Variants in PTPRD observed in about 807,000 individuals in gnomAD.
PTPRD encodes receptor-type tyrosine-protein phosphatase delta.
In PTPRD, 34 loss-of-function variants were observed where a neutral mutation model predicts 214.5. That is an observed-to-expected ratio of 0.16 (90% CI 0.12 to 0.21). The LOEUF is 0.21. PTPRD is among the 10% of genes least tolerant of loss of function. PTPRD has a pLI of 1.00. For missense variants in PTPRD, 2,545 were observed against 2,398.7 expected, an observed-to-expected ratio of 1.06 and a Z score of -1.27; for synonymous variants, 1,128 against 845.7, an observed-to-expected ratio of 1.33 and a Z score of -5.79.
At chr9:10,026,889 G>A (rs2096933350) in intron 4 of PTPRD, among the ~76,000 whole-genome samples, 1 of 151,090 alleles carries the variant, frequency 6.6e-6, no homozygotes, top group Admixed American at 6.6e-5. Context: ...AAAGACGTGA[G>A]AAGGATATAA....
In PTPRD at chr9:8,342,160, G is replaced by T. The variant is rs569268231; in HGVS notation, c.4662-182C>A. On this transcript the variant is annotated intron_variant, in intron 39 of 45. Coordinates refer to ENST00000381196, the MANE Select transcript of PTPRD (RefSeq NM_002839.4). ...TATTATCTAGGCACCATAATCAGAG[G>T]ACAGGGAACAAAAGACTGAGTAAAA... 2.0e-5 allele frequency among the ~76,000 whole-genome samples: 3 copies of T among 151,980 alleles called. No individual in the cohort carries two copies. In the East Asian group the frequency reaches 5.8e-4, roughly 30 times the overall value.
intron 13 of PTPRD, 131 bp downstream of exon 13, chr9:8,636,568 T>G (rs2096441994): frequency 8.6e-7 from 1 of 1,156,696 alleles, no homozygotes; most frequent in South Asian, 2.1e-5. Context: ...ACATTTTCCA[T>G]CACTTGCAAT....
At chr9:10,551,097 G>C (rs1043800724) in intron 2 of PTPRD, among the ~76,000 whole-genome samples, 1 of 152,104 alleles carries the variant, frequency 6.6e-6, no homozygotes, top group Non-Finnish European at 1.5e-5. Flanking sequence ...CCTTTGAAAA[G>C]CCAAAGTGGG....
intron 43 of PTPRD, among the ~76,000 whole-genome samples, chr9:8,333,404 G>C (rs1048568400): frequency 2.0e-5 from 3 of 151,786 alleles, no homozygotes; most frequent in African/African-American, 7.3e-5. Flanking sequence ...AAGGTTACCT[G>C]TTTAACAATA....
At chr9:9,589,261 A>T (rs571383980) in intron 7 of PTPRD, among the ~76,000 whole-genome samples, 11 of 151,920 alleles carry the variant, frequency 7.2e-5, no homozygotes, top group Non-Finnish European at 1.6e-4. Context: ...AATCAGTAAA[A>T]TCCTCTTAAG....
chr9:9,936,538 C>G (rs1200663052), intron 5 of PTPRD, among the ~76,000 whole-genome samples: 1 of 144,380 alleles, frequency 6.9e-6, no homozygotes, highest in Non-Finnish European at 1.5e-5. Flanking sequence ...CAATCTCACA[C>G]CAGTTAGAAT....
intron 10 of PTPRD, among the ~76,000 whole-genome samples, chr9:9,077,584 A>T (rs1224524851): frequency 1.3e-5 from 2 of 152,088 alleles, no homozygotes; most frequent in East Asian, 3.9e-4. Context: ...GTGAAGAGCC[A>T]GTTTTCTAAA....
chr9:8,740,252 A>G (rs1230442964), intron 11 of PTPRD, among the ~76,000 whole-genome samples: 2 of 152,156 alleles, frequency 1.3e-5, no homozygotes, highest in African/African-American at 4.8e-5. Flanking sequence ...GTGTTAACGA[A>G]TGTTCCTTTA....
At chr9:9,198,041 G>T (rs909462907) in intron 9 of PTPRD, among the ~76,000 whole-genome samples, 1 of 152,088 alleles carries the variant, frequency 6.6e-6, no homozygotes, top group Non-Finnish European at 1.5e-5. Flanking sequence ...ACACAAAAAG[G>T]CTACTGAGAA....
chr9:10,263,860 A>C (rs2093865991), intron 3 of PTPRD, among the ~76,000 whole-genome samples: 1 of 151,960 alleles, frequency 6.6e-6, no homozygotes, highest in South Asian at 2.1e-4. Context: ...AGGAGGAAAA[A>C]TGGTTTCGTA....
chr9:10,421,308 C>A (rs762530626), intron 2 of PTPRD, among the ~76,000 whole-genome samples: 1 of 151,870 alleles, frequency 6.6e-6, no homozygotes. Flanking sequence ...CTCACCCCCA[C>A]ACATACACAC....
chr9:8,834,562 G>T (rs1194546670), intron 11 of PTPRD, among the ~76,000 whole-genome samples: 1 of 152,050 alleles, frequency 6.6e-6, no homozygotes, highest in Non-Finnish European at 1.5e-5. Context: ...AATAAAAATT[G>T]ATTTTTTGAC....
At chr9:10,395,890 C>G (rs964883151) in intron 2 of PTPRD, among the ~76,000 whole-genome samples, 12 of 151,428 alleles carry the variant, frequency 7.9e-5, no homozygotes, top group African/African-American at 2.9e-4. Flanking sequence ...TCTGGAAACA[C>G]TGTGGTCCTG....
chr9:8,583,741 T>G (rs2093392230), intron 14 of PTPRD, among the ~76,000 whole-genome samples: 3 of 152,120 alleles, frequency 2.0e-5, no homozygotes, highest in African/African-American at 7.2e-5. Flanking sequence ...GAAGATAGAG[T>G]AGACTTCAAC....
At chr9:10,327,537 T>C (rs1206444978) in intron 3 of PTPRD, among the ~76,000 whole-genome samples, 1 of 151,632 alleles carries the variant, frequency 6.6e-6, no homozygotes, top group Non-Finnish European at 1.5e-5. Context: ...ATATTCTATA[T>C]TATATCATTG....
At chr9:9,774,778 C>A (rs1267306479) in intron 5 of PTPRD, among the ~76,000 whole-genome samples, 1 of 152,114 alleles carries the variant, frequency 6.6e-6, no homozygotes, top group Non-Finnish European at 1.5e-5. Context: ...ATAGCCTTAA[C>A]ATATTTCTTT....
At chr9:9,326,127 T>C (rs1195187232) in intron 9 of PTPRD, among the ~76,000 whole-genome samples, 1 of 152,082 alleles carries the variant, frequency 6.6e-6, no homozygotes, top group Non-Finnish European at 1.5e-5. Flanking sequence ...ATAACTCTGA[T>C]ATAACTATGA....
At chr9:9,821,915 A>G (rs2050878128) in intron 5 of PTPRD, among the ~76,000 whole-genome samples, 1 of 149,354 alleles carries the variant, frequency 6.7e-6, no homozygotes, top group Non-Finnish European at 1.5e-5. Context: ...TTGATTTATG[A>G]CATATATATT....
chr9:10,399,192 C>T (rs555270277), intron 2 of PTPRD, among the ~76,000 whole-genome samples: 2 of 151,876 alleles, frequency 1.3e-5, no homozygotes, highest in Non-Finnish European at 2.9e-5. Context: ...CTGAAAGATT[C>T]CTAGATTTGT....
Sources: allele counts gnomAD v4.1 joint callset (sites outside exome capture counted in the v4.1 genomes callset), GRCh38; gene constraint gnomAD v4.1.1; transcripts MANE v1.5; gene names NCBI Gene and HGNC (gene_info 2026-07-23, HGNC 2026-07-21).